SCAPER: variants seen among roughly 807,000 people sequenced by gnomAD.
SCAPER encodes the protein S phase cyclin A-associated protein in the endoplasmic reticulum.
In SCAPER, 98 loss-of-function variants were observed where a neutral mutation model predicts 182.2. The observed-to-expected ratio is 0.54, with a 90% CI of 0.46 to 0.64. SCAPER has a LOEUF of 0.64. Ranked by LOEUF, SCAPER falls within the 30% of genes least tolerant of loss-of-function variation. The pLI, the probability that SCAPER is intolerant of heterozygous loss-of-function variation, is 0.00. For synonymous variants in SCAPER, 605 were observed against 564.6 expected (o/e 1.07, Z -1.01); for missense variants, 1,432 against 1,690.0 (o/e 0.85, Z 2.68).
At chr15:76,553,381 A>C (rs552853302) in intron 23 of SCAPER, among the ~76,000 whole-genome samples, 122 of 152,332 alleles carry the variant, frequency 8.0e-4, no homozygotes, top group Middle Eastern at 3.4e-3. Context: ...CCACATGGCC[A>C]ACACGTGGAC....
chr15:76,701,868 GAAAGCACAAAATC>G lies in SCAPER; in HGVS notation c.2401-16_2401-4del. 6.2e-7 allele frequency: 1 copy of G among 1,607,020 alleles called. No homozygotes were observed. On this transcript the variant is annotated splice_region_variant and splice_polypyrimidine_tract_variant and intron_variant, in intron 19 of 31. Coordinates refer to ENST00000563290, the MANE Select transcript of SCAPER (RefSeq NM_020843.4). ...AAAAGATATACCTCTGAAGAGATCT[GAAAGCACAAAATC>G]AAAGCAATGTAATCAATATAACATT...
At chr15:76,614,884 G>A (rs1355830877) in intron 22 of SCAPER, among the ~76,000 whole-genome samples, 1 of 152,160 alleles carries the variant, frequency 6.6e-6, no homozygotes, top group Non-Finnish European at 1.5e-5. Flanking sequence ...GATTGACTAT[G>A]AAAAGATACT....
Position 76,601,139 on chromosome 15 carries a change from A to G in SCAPER, c.2711+20625T>C, listed in dbSNP as rs1390514542. Among the ~76,000 whole-genome samples the G allele has an allele frequency of 3.3e-5, 4 of 122,440 alleles. 1 individual carries two copies. The highest frequency in any genetic ancestry group is 7.9e-5 in the Non-Finnish European group (4 of 50,348). The allele number at this position is 122,440 out of a possible 152,430, so 80.3% of individuals were successfully genotyped here. On this transcript the variant is annotated intron_variant, in intron 22 of 31. Transcript: ENST00000563290. ...TAATGGTAGTAGACAATATTCTAAA[A>G]TAAGAATAATGGTGTTCTATCATGA...
intron 23 of SCAPER, among the ~76,000 whole-genome samples, chr15:76,526,677 T>C (rs2043221295): frequency 6.6e-6 from 1 of 152,136 alleles, no homozygotes; most frequent in Non-Finnish European, 1.5e-5. Context: ...ACTTCCAGTC[T>C]AGATTTTTTT....
intron 29 of SCAPER, among the ~76,000 whole-genome samples, chr15:76,357,180 A>ATG (rs2141684784): frequency 6.6e-6 from 1 of 151,578 alleles, no homozygotes; most frequent in African/African-American, 2.4e-5. Context: ...ACACACACAC[A>ATG]CACACACACC....
intron 22 of SCAPER, among the ~76,000 whole-genome samples, chr15:76,598,205 A>G (rs2049648950): frequency 8.2e-6 from 1 of 122,116 alleles, no homozygotes; most frequent in African/African-American, 2.5e-5. Context: ...AAAAAGGCTC[A>G]TCATCAATGG....
At chr15:76,469,608 G>A (rs943770175) in intron 25 of SCAPER, among the ~76,000 whole-genome samples, 2 of 151,926 alleles carry the variant, frequency 1.3e-5, no homozygotes, top group African/African-American at 2.4e-5. Flanking sequence ...TGATATTGAC[G>A]TTTTTGAAAA....
intron 11 of SCAPER, 71 bp from the exon 12 acceptor site, chr15:76,765,709 C>T (rs576185012): frequency 8.2e-7 from 1 of 1,226,838 alleles, no homozygotes; most frequent in Non-Finnish European, 1.2e-6. Flanking sequence ...ATGAACTATA[C>T]ATGAAAATGT....
chr15:76,364,766 T>G (rs1000930939), intron 29 of SCAPER, among the ~76,000 whole-genome samples: 1 of 152,054 alleles, frequency 6.6e-6, no homozygotes, highest in African/African-American at 2.4e-5. Context: ...TCCGGGACTT[T>G]GGAACATAGT....
intron 2 of SCAPER, among the ~76,000 whole-genome samples, chr15:76,864,913 C>T (rs550454181): frequency 4.6e-5 from 7 of 152,188 alleles, no homozygotes; most frequent in African/African-American, 1.7e-4. Context: ...GAATATCAAA[C>T]ATACCCTCAC....
In SCAPER at chr15:76,759,136, T is replaced by G. The variant is rs186677108; in HGVS notation, c.1726-5188A>C. 1.0e-3 allele frequency among the ~76,000 whole-genome samples: 153 copies of G among 152,308 alleles called. 2 individuals carry two copies. Among genetic ancestry groups the G allele is most frequent in the African/African-American group, 3.6e-3 (150 of 41,568 alleles). ...GAGAAATGGTAAAAGTGGGCATACT[T>G]GCCTTTTACCAAATCATAGAGAAAA... On this transcript the variant is annotated intron_variant, in intron 14 of 31. Coordinates refer to ENST00000563290, the MANE Select transcript of SCAPER (RefSeq NM_020843.4).
At chr15:76,779,160 T>C (rs538965631) in intron 8 of SCAPER, among the ~76,000 whole-genome samples, 18 of 152,106 alleles carry the variant, frequency 1.2e-4, no homozygotes, top group Non-Finnish European at 2.7e-4. Context: ...TCAGCAAATG[T>C]ATTAATATAA....
At chr15:76,567,407 T>G (rs1045462299) in intron 23 of SCAPER, 5 of 438,212 alleles carry the variant, frequency 1.1e-5, no homozygotes, top group Non-Finnish European at 2.3e-5. Flanking sequence ...AGTATATACC[T>G]AGAAGTGAAA....
intron 18 of SCAPER, among the ~76,000 whole-genome samples, chr15:76,704,604 T>C (rs2059144582): frequency 1.3e-5 from 2 of 152,132 alleles, no homozygotes; most frequent in African/African-American, 4.8e-5. Context: ...TGCTTGTTTT[T>C]CTCAGGTTTG....
intron 23 of SCAPER, among the ~76,000 whole-genome samples, chr15:76,548,531 G>A (rs157773): frequency 0.97 from 147,692 of 152,312 alleles, 71,756 homozygotes; most frequent in South Asian, 1. Flanking sequence ...AAGATATTTC[G>A]TGGCAAAGTT....
intron 4 of SCAPER, among the ~76,000 whole-genome samples, chr15:76,847,158 C>T (rs1423193089): frequency 6.6e-6 from 1 of 151,928 alleles, no homozygotes; most frequent in African/African-American, 2.4e-5. Context: ...CAATTGCACT[C>T]AGAGAAAATA....
intron 22 of SCAPER, among the ~76,000 whole-genome samples, chr15:76,601,812 A>G (rs1218726623): frequency 8.3e-6 from 1 of 121,134 alleles, no homozygotes; most frequent in African/African-American, 2.5e-5. Context: ...TATCCCTTCT[A>G]TCACTGCTGT....
chr15:76,570,755 G>A (rs1036762419), intron 23 of SCAPER, among the ~76,000 whole-genome samples: 5 of 151,952 alleles, frequency 3.3e-5, no homozygotes, highest in African/African-American at 1.2e-4. Flanking sequence ...ACTATCTGAG[G>A]CCTAGAATGA....
At chr15:76,855,937 T>A in intron 4 of SCAPER, 1 of 353,234 alleles carries the variant, frequency 2.8e-6, no homozygotes. Context: ...ACCAGAGGAA[T>A]ATAAATCATT....
Sources: allele counts gnomAD v4.1 joint callset (sites outside exome capture counted in the v4.1 genomes callset), GRCh38; gene constraint gnomAD v4.1.1; transcripts MANE v1.5; gene names NCBI Gene and HGNC (gene_info 2026-07-23, HGNC 2026-07-21).